MAP2K1: variants seen among roughly 807,000 people sequenced by gnomAD.
MAP2K1 encodes dual specificity mitogen-activated protein kinase kinase 1.
In MAP2K1, 16 loss-of-function variants were observed where a neutral mutation model predicts 46.3. That is an observed-to-expected ratio of 0.35 (90% CI 0.23 to 0.52). The LOEUF (loss-of-function observed/expected upper bound fraction) is 0.52. MAP2K1 is among the 20% of genes least tolerant of loss of function. The pLI, the probability that MAP2K1 is intolerant of heterozygous loss-of-function variation, is 0.94. For missense variants in MAP2K1, 263 were observed against 497.1 expected (o/e 0.53, Z 4.48); for synonymous variants, 183 against 185.6 (o/e 0.99, Z 0.11).
chr15:66,458,824 G>C (rs1181892490), intron 5 of MAP2K1, among the ~76,000 whole-genome samples: 1 of 152,118 alleles, frequency 6.6e-6, no homozygotes, highest in Non-Finnish European at 1.5e-5. Flanking sequence ...TTAGCTGCCA[G>C]CTTAGATTTT....
At chr15:66,430,619 C>T (rs375237415) in intron 1 of MAP2K1, among the ~76,000 whole-genome samples, 1 of 152,146 alleles carries the variant, frequency 6.6e-6, no homozygotes, top group South Asian at 2.1e-4. Context: ...GTTAGGAGAC[C>T]TGCCAGCAGT....
At chr15:66,482,735 T>C (rs924600142) in intron 6 of MAP2K1, among the ~76,000 whole-genome samples, 4 of 152,148 alleles carry the variant, frequency 2.6e-5, no homozygotes, top group Non-Finnish European at 5.9e-5. Flanking sequence ...GGTAGATGTT[T>C]AGTTGGCTGA....
At chr15:66,463,909 G>C (rs879695493) in intron 5 of MAP2K1, among the ~76,000 whole-genome samples, 3 of 152,224 alleles carry the variant, frequency 2.0e-5, no homozygotes, top group Non-Finnish European at 4.4e-5. Context: ...GTCACAGGTA[G>C]GTGAGAGACA....
chr15:66,464,717 G>A (rs1256498556), intron 5 of MAP2K1, among the ~76,000 whole-genome samples: 1 of 151,386 alleles, frequency 6.6e-6, no homozygotes, highest in Non-Finnish European at 1.5e-5. Context: ...TAGAGACAGG[G>A]TTTCTCCATG....
intron 1 of MAP2K1, among the ~76,000 whole-genome samples, chr15:66,388,040 C>A (rs539320850): frequency 6.6e-6 from 1 of 152,196 alleles, no homozygotes; most frequent in African/African-American, 2.4e-5. Context: ...CGGCTTTCTT[C>A]TTCATCCTAC....
At chr15:66,479,569 C>G (rs960434040) in intron 5 of MAP2K1, among the ~76,000 whole-genome samples, 4 of 152,158 alleles carry the variant, frequency 2.6e-5, no homozygotes, top group Non-Finnish European at 5.9e-5. Flanking sequence ...TGGGTCTGCA[C>G]ACTGTGGGGT....
rs1567003023 is a variant in MAP2K1, at chr15:66,420,763, GTGTGTATATA to G, written c.81-14262_81-14253del. Among the ~76,000 whole-genome samples, 12 of 43,660 alleles carry G rather than the reference GTGTGTATATA, an allele frequency of 2.7e-4. 1 individual carries two copies. Among genetic ancestry groups the G allele is most frequent in the Non-Finnish European group, 4.7e-4 (9 of 19,162 alleles). 28.6% of individuals were successfully genotyped at this position (43,660 alleles called of 152,430 possible). A position where few individuals can be genotyped will look rare whatever the true frequency, so the allele number is the denominator to read the frequency against. On this transcript the variant is annotated intron_variant, in intron 1 of 10. Transcript: ENST00000307102. ...TGTGTGTGTGTGTGTGTGTGTGTAT[GTGTGTATATA>G]TATGTGTATATATATGTGTGTATAT...
intron 5 of MAP2K1, among the ~76,000 whole-genome samples, chr15:66,454,764 T>C (rs1892119787): frequency 6.6e-6 from 1 of 151,836 alleles, no homozygotes; most frequent in South Asian, 2.1e-4. Flanking sequence ...GCGCCTGTAA[T>C]CCCAGCTGCT....
At chr15:66,402,918 C>A (rs894204533) in intron 1 of MAP2K1, among the ~76,000 whole-genome samples, 9 of 152,226 alleles carry the variant, frequency 5.9e-5, no homozygotes, top group African/African-American at 2.2e-4. Flanking sequence ...TTAAGTGTAA[C>A]GAGGTTTCTC....
intron 4 of MAP2K1, 137 bp downstream of exon 4, chr15:66,443,494 C>T (rs1309566560): frequency 2.9e-6 from 2 of 680,920 alleles, no homozygotes; most frequent in African/African-American, 1.8e-5. Flanking sequence ...TCACTAGACT[C>T]TTCCCTGTCT....
At chr15:66,409,233 C>CT (rs2093405511) in intron 1 of MAP2K1, among the ~76,000 whole-genome samples, 1 of 152,114 alleles carries the variant, frequency 6.6e-6, no homozygotes, top group African/African-American at 2.4e-5. Flanking sequence ...ATACAGGCAG[C>CT]TAAGAGTGCC....
chr15:66,409,936 C>T (rs896096417), intron 1 of MAP2K1, among the ~76,000 whole-genome samples: 12 of 152,226 alleles, frequency 7.9e-5, no homozygotes, highest in Admixed American at 3.9e-4. Flanking sequence ...TCCGTTTCCC[C>T]ATCAGCACCT....
intron 5 of MAP2K1, 132 bp downstream of exon 5, chr15:66,444,839 T>C (rs1735878127): frequency 1.2e-5 from 10 of 822,470 alleles, no homozygotes; most frequent in South Asian, 1.2e-4. Flanking sequence ...TTATTAAAAG[T>C]CTTTGTTTAG....
At chr15:66,481,405 C>A (rs1167212286) in intron 5 of MAP2K1, among the ~76,000 whole-genome samples, 1 of 152,138 alleles carries the variant, frequency 6.6e-6, no homozygotes, top group African/African-American at 2.4e-5. Context: ...CTATATCTTA[C>A]CAGTAGGGGT....
At chr15:66,488,224 C>G (rs750436382) in intron 8 of MAP2K1, among the ~76,000 whole-genome samples, 3 of 152,192 alleles carry the variant, frequency 2.0e-5, no homozygotes, top group Non-Finnish European at 2.9e-5. Context: ...TCCTCTCTTC[C>G]TTGAATGGTC....
chr15:66,464,603 C>T (rs1207704841), intron 5 of MAP2K1, among the ~76,000 whole-genome samples: 1 of 152,084 alleles, frequency 6.6e-6, no homozygotes. Flanking sequence ...TGGCTCACTG[C>T]AACCTCTGCC....
intron 1 of MAP2K1, among the ~76,000 whole-genome samples, chr15:66,419,659 G>A (rs1370627595): frequency 6.6e-6 from 1 of 152,136 alleles, no homozygotes; most frequent in Non-Finnish European, 1.5e-5. Context: ...AATATTTGAG[G>A]AAAGTCTTTG....
At chr15:66,455,798 C>T (rs1892151794) in intron 5 of MAP2K1, among the ~76,000 whole-genome samples, 1 of 152,240 alleles carries the variant, frequency 6.6e-6, no homozygotes, top group Non-Finnish European at 1.5e-5. Flanking sequence ...GTTCAACTGA[C>T]AGTCCCAGTG....
At chr15:66,441,638 T>C (rs1165473931) in intron 3 of MAP2K1, among the ~76,000 whole-genome samples, 1 of 152,100 alleles carries the variant, frequency 6.6e-6, no homozygotes, top group Non-Finnish European at 1.5e-5. Flanking sequence ...TTCAACTGTT[T>C]GTTCCCTGCC....
Sources: gnomAD v4.1 joint callset for allele counts (sites outside exome capture counted in the v4.1 genomes callset) on GRCh38, gnomAD v4.1.1 for gene constraint, MANE v1.5 for transcripts, NCBI Gene and HGNC (gene_info 2026-07-23, HGNC 2026-07-21) for gene names.